Variants in STXBP6 observed in about 807,000 individuals in gnomAD.
STXBP6 encodes syntaxin-binding protein 6.
In STXBP6, 21 loss-of-function variants were observed where a neutral mutation model predicts 26.9. The observed-to-expected ratio is 0.78, with a 90% CI of 0.55 to 1.12. The LOEUF (loss-of-function observed/expected upper bound fraction) is 1.12. STXBP6 is among the 50% of genes most tolerant of loss of function. The pLI is 0.00. For synonymous variants in STXBP6, 97 were observed against 92.6 expected, an observed-to-expected ratio of 1.05 and a Z score of -0.27; for missense variants, 232 against 257.9, an observed-to-expected ratio of 0.90 and a Z score of 0.69.
intron 2 of STXBP6, among the ~76,000 whole-genome samples, chr14:24,930,874 G>A (rs1214363486): frequency 6.6e-6 from 1 of 151,452 alleles, no homozygotes; most frequent in Non-Finnish European, 1.5e-5. Context: ...CACTTTGGGA[G>A]GCCGAGGCGG....
chr14:24,828,918 C>T (rs1406144892), intron 4 of STXBP6, among the ~76,000 whole-genome samples: 1 of 152,102 alleles, frequency 6.6e-6, no homozygotes, highest in Non-Finnish European at 1.5e-5. Context: ...GGAGAAAACC[C>T]GTCAAGTTGA....
In STXBP6 at chr14:25,049,870, G is replaced by A. The variant is rs954793004; in HGVS notation, c.-33+8C>T. ...CTGACCGCCTGGCTCCCCTCGCCCC[G>A]GTCCTACCGTGCAGCCTGGCTCGCG... is the stretch of plus-strand genomic sequence containing the variant. On this transcript the variant is annotated splice_region_variant and intron_variant, in intron 1 of 5. Transcript: ENST00000323944. This position sits in a 1 kb window ranked among gnomAD's most constrained non-coding sequence, Gnocchi z 5.6. 2.0e-6 allele frequency: 2 copies of A among 985,354 alleles called. No individual in the cohort carries two copies. The highest frequency in any genetic ancestry group is 2.4e-6 in the Non-Finnish European group (2 of 829,970). The allele number at this position is 985,354 out of a possible 1,614,324, so 61.0% of individuals were successfully genotyped here.
intron 1 of STXBP6, among the ~76,000 whole-genome samples, chr14:24,990,539 T>C (rs906579527): frequency 2.1e-4 from 32 of 150,850 alleles, no homozygotes; most frequent in African/African-American, 7.1e-4. Context: ...AGGCCTGTAA[T>C]CCCAGCTACT....
chr14:25,011,173 T>C (rs2075020067), intron 1 of STXBP6, among the ~76,000 whole-genome samples: 2 of 152,056 alleles, frequency 1.3e-5, no homozygotes, highest in Admixed American at 1.3e-4. Context: ...TTATATTCCA[T>C]TAAGAACCCT....
Position 24,849,481 on chromosome 14 carries a change from G to A in STXBP6, c.451+6455C>T, listed in dbSNP as rs1451384441. ...CTTATTAAGGGAACGTGGAAGTCAC[G>A]GTCTCCATTTAATAGATGAGGACTA... On this transcript the variant is annotated intron_variant, in intron 4 of 5. Coordinates refer to ENST00000323944, the MANE Select transcript of STXBP6 (RefSeq NM_001394410.1). Among the ~76,000 whole-genome samples, 8 of 152,070 alleles carry A rather than the reference G, an allele frequency of 5.3e-5. No homozygotes were observed. The South Asian group carries it at 8.3e-4, about 16-fold the overall frequency.
At chr14:24,858,345 A>C (rs907902703) in intron 2 of STXBP6, among the ~76,000 whole-genome samples, 2 of 152,098 alleles carry the variant, frequency 1.3e-5, no homozygotes, top group African/African-American at 4.8e-5. Flanking sequence ...CACTGTCCTT[A>C]GATCTAGTGA....
intron 2 of STXBP6, among the ~76,000 whole-genome samples, chr14:24,937,861 G>A (rs1352519045): frequency 6.6e-6 from 1 of 152,150 alleles, no homozygotes; most frequent in Non-Finnish European, 1.5e-5. Context: ...TGTACATTCA[G>A]GTTTTCAGAT....
In STXBP6 at chr14:24,879,004, G is replaced by T. The variant is rs146801885; in HGVS notation, c.155-21847C>A. 4.3e-3 allele frequency among the ~76,000 whole-genome samples: 659 copies of T among 152,178 alleles called. 6 individuals are homozygous for T. Among genetic ancestry groups the T allele is most frequent in the Middle Eastern group, 0.034 (10 of 294 alleles). ...AACATGTTTAAATTAGTGAATGCTAGAAAGCCTATTGACAGCCTATAAAAT... is the reference window on the plus strand; with the variant it reads ...AACATGTTTAAATTAGTGAATGCTATAAAGCCTATTGACAGCCTATAAAAT... On this transcript the variant is annotated intron_variant, in intron 2 of 5. Transcript: ENST00000323944.
At chr14:24,983,213 G>A (rs2074244352) in intron 1 of STXBP6, among the ~76,000 whole-genome samples, 1 of 152,142 alleles carries the variant, frequency 6.6e-6, no homozygotes, top group Admixed American at 6.5e-5. Context: ...CATCAAAAGA[G>A]GAAGGTAGTA....
intron 2 of STXBP6, among the ~76,000 whole-genome samples, chr14:24,902,123 G>A (rs2071235089): frequency 2.6e-5 from 4 of 152,076 alleles, no homozygotes. Flanking sequence ...AGAAATGTAA[G>A]AAATTTAAGA....
At chr14:24,972,145 C>T (rs1293280202) in intron 2 of STXBP6, among the ~76,000 whole-genome samples, 1 of 152,172 alleles carries the variant, frequency 6.6e-6, no homozygotes, top group Non-Finnish European at 1.5e-5. Flanking sequence ...AATGTCAGAT[C>T]TACTTTATCA....
chr14:25,010,206 T>A (rs2074997718), intron 1 of STXBP6, among the ~76,000 whole-genome samples: 1 of 152,232 alleles, frequency 6.6e-6, no homozygotes, highest in Non-Finnish European at 1.5e-5. Flanking sequence ...ATGATGGTTA[T>A]GCTCACTTTA....
At chr14:24,897,873 C>T (rs1055109012) in intron 2 of STXBP6, among the ~76,000 whole-genome samples, 1 of 152,174 alleles carries the variant, frequency 6.6e-6, no homozygotes, top group African/African-American at 2.4e-5. Context: ...GACTAAGTGG[C>T]TTGGCTCTTA....
chr14:24,885,112 C>T (rs2070527583), intron 2 of STXBP6, among the ~76,000 whole-genome samples: 1 of 152,140 alleles, frequency 6.6e-6, no homozygotes, highest in Non-Finnish European at 1.5e-5. Context: ...CACCTGCCTG[C>T]TCTGGGTAAG....
chr14:25,039,708 C>G, intron 1 of STXBP6, among the ~76,000 whole-genome samples: 1 of 140,080 alleles, frequency 7.1e-6, no homozygotes, highest in East Asian at 2.1e-4. Context: ...AATCTGCATC[C>G]TTTTTTTTTT....
chr14:24,987,730 G>A (rs1595259657), intron 1 of STXBP6, among the ~76,000 whole-genome samples: 1 of 152,382 alleles, frequency 6.6e-6, no homozygotes, highest in South Asian at 2.1e-4. Context: ...GCCTAAGCAG[G>A]AAGATAATGG....
intron 1 of STXBP6, among the ~76,000 whole-genome samples, chr14:25,014,312 T>C (rs1229150746): frequency 6.6e-6 from 1 of 152,064 alleles, no homozygotes; most frequent in Non-Finnish European, 1.5e-5. Flanking sequence ...CTGGCCAACA[T>C]GGTGTAACCC....
intron 1 of STXBP6, among the ~76,000 whole-genome samples, chr14:25,000,768 G>A (rs868103398): frequency 2.0e-5 from 3 of 150,840 alleles, no homozygotes; most frequent in African/African-American, 2.4e-5. Context: ...GCCCCACACC[G>A]AGAAGGAAGG....
rs927248964 is a variant in STXBP6 at position 24,840,007 on chromosome 14, T to C, written c.451+15929A>G. ...CTTATCATGTGATATGTTTTAGGTA[T>C]ATTACAGCTAGTGTTTTAGGCATGC... On this transcript the variant is annotated intron_variant, in intron 4 of 5. Coordinates refer to ENST00000323944, the MANE Select transcript of STXBP6 (RefSeq NM_001394410.1). Among the ~76,000 whole-genome samples the C allele has an allele frequency of 1.1e-4, 17 of 152,214 alleles. 1 individual carries two copies. The highest frequency in any genetic ancestry group is 2.2e-4 in the African/African-American group (9 of 41,440).
Sources: allele counts gnomAD v4.1 joint callset (sites outside exome capture counted in the v4.1 genomes callset), GRCh38; gene constraint gnomAD v4.1.1; non-coding constraint Gnocchi (gnomAD v3.1); transcripts MANE v1.5; gene names NCBI Gene and HGNC (gene_info 2026-07-23, HGNC 2026-07-21).